STXBP6: variants seen among roughly 807,000 people sequenced by gnomAD.
The protein encoded by STXBP6 is syntaxin binding protein 6, also known as syntaxin-binding protein 6.
STXBP6 carries 21 observed loss-of-function variants against 26.9 expected under a neutral mutation model. The observed-to-expected ratio is 0.78, with a 90% CI of 0.55 to 1.12. The LOEUF (loss-of-function observed/expected upper bound fraction) is 1.12. Among genes scored for constraint, STXBP6 ranks in the 50% most tolerant of loss-of-function variants. The pLI is 0.00. For synonymous variants in STXBP6, 97 were observed against 92.6 expected, an observed-to-expected ratio of 1.05 and a Z score of -0.27; for missense variants, 232 against 257.9, an observed-to-expected ratio of 0.90 and a Z score of 0.69.
chr14:24,906,144 T>C (rs1379977884), intron 2 of STXBP6, among the ~76,000 whole-genome samples: 1 of 152,224 alleles, frequency 6.6e-6, no homozygotes. Flanking sequence ...TTTTCATCCC[T>C]TAATTTTTTA....
chr14:24,821,270 G>A (rs1354182774), intron 4 of STXBP6, among the ~76,000 whole-genome samples: 4 of 152,230 alleles, frequency 2.6e-5, no homozygotes, highest in Non-Finnish European at 5.9e-5. Flanking sequence ...AGAATTAGCT[G>A]CTATAAAATT....
intron 4 of STXBP6, among the ~76,000 whole-genome samples, chr14:24,840,566 C>T (rs955790214): frequency 6.6e-6 from 1 of 152,200 alleles, no homozygotes; most frequent in Non-Finnish European, 1.5e-5. Context: ...ATTACTGACA[C>T]ACACTTTGGA....
At chr14:24,908,812 A>G (rs1287716061) in intron 2 of STXBP6, among the ~76,000 whole-genome samples, 1 of 152,212 alleles carries the variant, frequency 6.6e-6, no homozygotes, top group Non-Finnish European at 1.5e-5. Context: ...GCTGAGCTGC[A>G]GCATTCACAA....
intron 1 of STXBP6, among the ~76,000 whole-genome samples, chr14:25,048,290 A>T (rs1209870244): frequency 6.6e-6 from 1 of 152,220 alleles, no homozygotes; most frequent in Non-Finnish European, 1.5e-5. Context: ...CTGAGTTTAC[A>T]ACAACCCTGC....
intron 2 of STXBP6, among the ~76,000 whole-genome samples, chr14:24,929,291 C>T (rs1434933096): frequency 6.6e-6 from 1 of 152,180 alleles, no homozygotes; most frequent in Admixed American, 6.5e-5. Context: ...GACACTTACC[C>T]TTGCATTTTC....
chr14:24,892,347 A>G (rs1480099873), intron 2 of STXBP6, among the ~76,000 whole-genome samples: 2 of 152,174 alleles, frequency 1.3e-5, no homozygotes, highest in Non-Finnish European at 2.9e-5. Context: ...AGGTGGAAGT[A>G]TTTATTTTTA....
intron 2 of STXBP6, among the ~76,000 whole-genome samples, chr14:24,937,384 A>G (rs1381891652): frequency 6.6e-6 from 1 of 152,242 alleles, no homozygotes; most frequent in Admixed American, 6.5e-5. Flanking sequence ...TTAGACTTAT[A>G]TATGATGTTG....
At chr14:24,895,834 T>A (rs1485217938) in intron 2 of STXBP6, among the ~76,000 whole-genome samples, 2 of 152,132 alleles carry the variant, frequency 1.3e-5, no homozygotes, top group Non-Finnish European at 2.9e-5. Context: ...GAGCATGAGG[T>A]CCTCACCAGT....
chr14:24,904,793 G>C (rs1285063125), intron 2 of STXBP6, among the ~76,000 whole-genome samples: 1 of 152,144 alleles, frequency 6.6e-6, no homozygotes, highest in Non-Finnish European at 1.5e-5. Flanking sequence ...TCCAGAACTG[G>C]AAGAAAAATT....
At chr14:24,939,012 T>G (rs188990830) in intron 2 of STXBP6, among the ~76,000 whole-genome samples, 57 of 152,212 alleles carry the variant, frequency 3.7e-4, no homozygotes, top group Admixed American at 3.2e-3. Flanking sequence ...TAATAATAAT[T>G]ACATAAGTAC....
At chr14:24,817,244 G>A (rs2068004726) in intron 5 of STXBP6, 1 of 152,184 alleles carries the variant, frequency 6.6e-6, no homozygotes, top group African/African-American at 2.4e-5. Context: ...CAAGAATTCA[G>A]GCCATCTGGT....
chr14:24,970,176 G>A (rs912245126), intron 2 of STXBP6, among the ~76,000 whole-genome samples: 1 of 152,002 alleles, frequency 6.6e-6, no homozygotes, highest in Non-Finnish European at 1.5e-5. Flanking sequence ...GGGAGGTGGA[G>A]GTTGCAGTGA....
At chr14:25,029,619 G>T (rs1404463201) in intron 1 of STXBP6, among the ~76,000 whole-genome samples, 1 of 152,056 alleles carries the variant, frequency 6.6e-6, no homozygotes, top group South Asian at 2.1e-4. Context: ...GCATATAAAT[G>T]TATTATTTTA....
In STXBP6 at chr14:24,921,173, T is replaced by A. The variant is rs561277887; in HGVS notation, c.154+53492A>T. ...GTATCACTTACTTCACAGGGATGTG[T>A]CAGGATTCAAGGAAGTATTTGTAAA... On this transcript the variant is annotated intron_variant, in intron 2 of 5. Transcript: ENST00000323944. Among the ~76,000 whole-genome samples the A allele has an allele frequency of 7.7e-4, 118 of 152,286 alleles. 1 individual carries two copies. Among genetic ancestry groups the A allele is most frequent in the African/African-American group, 2.5e-3 (103 of 41,570 alleles).
At chr14:24,901,416 T>C (rs1215982778) in intron 2 of STXBP6, among the ~76,000 whole-genome samples, 1 of 152,160 alleles carries the variant, frequency 6.6e-6, no homozygotes, top group Admixed American at 6.5e-5. Context: ...ACTTACACAT[T>C]TCAAGCACAG....
intron 2 of STXBP6, among the ~76,000 whole-genome samples, chr14:24,934,518 A>G (rs2072529630): frequency 6.6e-6 from 1 of 152,202 alleles, no homozygotes; most frequent in Admixed American, 6.5e-5. Flanking sequence ...TCACCTCTTG[A>G]AAAGGATAAC....
chr14:25,034,062 C>G (rs1300304267), intron 1 of STXBP6, among the ~76,000 whole-genome samples: 1 of 152,170 alleles, frequency 6.6e-6, no homozygotes, highest in Admixed American at 6.5e-5. Flanking sequence ...GTCCTTTCTC[C>G]TGTTCCAAGC....
chr14:24,835,092 A>T (rs2068573054), intron 4 of STXBP6, among the ~76,000 whole-genome samples: 1 of 152,174 alleles, frequency 6.6e-6, no homozygotes. Context: ...AATAAGTGCT[A>T]CTTCTGGGCT....
chr14:24,999,345 G>C (rs2074689765), intron 1 of STXBP6, among the ~76,000 whole-genome samples: 1 of 152,208 alleles, frequency 6.6e-6, no homozygotes, highest in South Asian at 2.1e-4. Context: ...ATTGACAGCA[G>C]AGTGCTCACC....
Sources: gnomAD v4.1 joint callset for allele counts (sites outside exome capture counted in the v4.1 genomes callset) on GRCh38, gnomAD v4.1.1 for gene constraint, MANE v1.5 for transcripts, NCBI Gene and HGNC (gene_info 2026-07-23, HGNC 2026-07-21) for gene names.